CXorf38: variants seen among roughly 807,000 people sequenced by gnomAD.
CXorf38 encodes the protein uncharacterized protein CXorf38.
CXorf38 carries 13 observed loss-of-function variants against 27.5 expected under a neutral mutation model. The ratio of observed to expected loss-of-function variants is 0.47; its 90% CI spans 0.31 to 0.75. The LOEUF (loss-of-function observed/expected upper bound fraction) is 0.75. Ranked by LOEUF, CXorf38 falls within the 30% of genes least tolerant of loss-of-function variation. CXorf38 has a pLI of 0.05. For missense variants in CXorf38, 240 were observed against 253.2 expected (o/e 0.95, Z 0.35); for synonymous variants, 100 against 99.8 (o/e 1.00, Z -0.01).
At chrX:40,636,951 T>G in intron 4 of CXorf38, 56 bp downstream of exon 4, 97 of 1,032,779 alleles carry the variant, frequency 9.4e-5, no homozygotes, top group African/African-American at 5.7e-5. Flanking sequence ...TGTGTGGCTG[T>G]TGTTGTTTTC....
intron 5 of CXorf38, among the ~76,000 whole-genome samples, chrX:40,634,834 T>A (rs181727088): frequency 1.8e-4 from 20 of 112,409 alleles, no homozygotes; most frequent in Non-Finnish European, 3.0e-4. Flanking sequence ...AGAGAAAGCA[T>A]GAAAAATGAG....
chrX:40,641,638 T>C (rs1315050666), intron 2 of CXorf38, among the ~76,000 whole-genome samples: 5 of 111,946 alleles, frequency 4.5e-5, no homozygotes, highest in Admixed American at 2.8e-4. Flanking sequence ...GTGATCCGCC[T>C]GCTTCGGCCT....
At chrX:40,640,664 T>TG (rs927447670) in intron 2 of CXorf38, among the ~76,000 whole-genome samples, 13 of 111,229 alleles carry the variant, frequency 1.2e-4, no homozygotes, top group African/African-American at 3.9e-4. Context: ...AAGTCTATTT[T>TG]GGGCCGGGCG....
Position 40,630,687 on chromosome X carries a change from T to C in CXorf38, c.888A>G (p.Leu296=). The change falls in exon 6 of 7, where the codon CTA becomes CTG. Residue 296 remains leucine, a synonymous_variant. Transcript: ENST00000327877. ...GTTTTTGATGTAGACAGAGGCTGTC[T>C]AGCTTCTGCATATCTTCTGTAAGGC... ...RNGLTEDMQK[L]DSLCLHQKLD... is the part of the protein sequence containing the mutation. The C allele has an allele frequency of 1.7e-6, 2 of 1,209,143 alleles. No homozygotes were observed. Among genetic ancestry groups the C allele is most frequent in the Non-Finnish European group, 2.2e-6 (2 of 892,992 alleles).
rs771151809 is a variant in CXorf38, at chrX:40,647,498, G to A, written c.23C>T (p.Ala8Val). 24 of 1,187,157 alleles carry A rather than the reference G, an allele frequency of 2.0e-5. 1 individual carries two copies. The East Asian group carries it at 7.8e-4, about 39-fold the overall frequency. Residue 8 changes from alanine to valine, a missense_variant, in exon 1 of 7, where the codon GCG becomes GTG. Coordinates refer to ENST00000327877, the MANE Select transcript of CXorf38 (RefSeq NM_144970.3). Reference sequence around the variant, plus strand: ...CTTGTACTCGGCGCAGTTGAGGCGCGCCGCTAGCTCCGACAGCACCATGTC... The same window carrying A: ...CTTGTACTCGGCGCAGTTGAGGCGCACCGCTAGCTCCGACAGCACCATGTC... MVLSELA[A>V]RLNCAEYKNW...
In CXorf38 at chrX:40,637,095, A is replaced by G. The variant is rs775083103; in HGVS notation, c.533T>C (p.Leu178Pro). The G allele has an allele frequency of 8.3e-7, 1 of 1,203,428 alleles. No individual in the cohort carries two copies. ...TTGGATCTTCATCTGAAAATCTCGA[A>G]GCCACGTAGAAGATACTTTCATCTC... is the stretch of plus-strand genomic sequence containing the variant. ...SSEMKVSSTWLRDFQMKIQNF... is the reference protein window; with the variant it reads ...SSEMKVSSTWPRDFQMKIQNF... The change falls in exon 4 of 7, where the codon CTT becomes CCT. Residue 178 changes from leucine (L) to proline (P), a missense_variant. By Grantham distance (98) the Leu-to-Pro change is moderately conservative. Transcript: ENST00000327877.
intron 2 of CXorf38, among the ~76,000 whole-genome samples, chrX:40,645,005 GA>G (rs745976422): frequency 9.1e-6 from 1 of 109,823 alleles, no homozygotes; most frequent in East Asian, 2.8e-4. Context: ...AGAGAAAGGA[GA>G]AAAAAAAAGC....
intron 5 of CXorf38, among the ~76,000 whole-genome samples, chrX:40,632,944 T>C (rs1927892601): frequency 1.8e-5 from 2 of 112,116 alleles, no homozygotes; most frequent in African/African-American, 6.5e-5. Context: ...TTACTGACAG[T>C]CTACTACATG....
rs1469116868 is a variant in CXorf38, at chrX:40,627,006, A to C, written c.*3158T>G. 8.9e-6 allele frequency: 1 copy of C among 111,889 alleles called. No homozygotes were observed. The highest frequency in any genetic ancestry group is 1.9e-5 in the Non-Finnish European group (1 of 53,176). The allele number at this position is 111,889 out of a possible 1,213,427, so 9.2% of individuals were successfully genotyped here. On this transcript the variant is annotated 3_prime_UTR_variant, in exon 7 of 7. Coordinates refer to ENST00000327877, the MANE Select transcript of CXorf38 (RefSeq NM_144970.3). ...TACACCAGTACATGTTTGTTGTAAAAATTTCACCTAGGAGGATATAAAATA... is the reference window on the plus strand; with the variant it reads ...TACACCAGTACATGTTTGTTGTAAACATTTCACCTAGGAGGATATAAAATA...
chrX:40,647,173 G>T lies in CXorf38; in HGVS notation c.217-32C>A, dbSNP rs4073734. 5,370 of 1,205,798 alleles carry T rather than the reference G, an allele frequency of 4.5e-3. 145 individuals are homozygous for T. The African/African-American group carries it at 0.083, about 19-fold the overall frequency. On this transcript the variant is annotated intron_variant, in intron 1 of 6. Coordinates refer to ENST00000327877, the MANE Select transcript of CXorf38 (RefSeq NM_144970.3). ...GGGGCGGCGGTGAGGAGGGGCCCAG[G>T]AGGGAGGGACGTCGCGGTGGGCCCC...
At chrX:40,645,743 A>C (rs1928544999) in intron 2 of CXorf38, among the ~76,000 whole-genome samples, 1 of 110,711 alleles carries the variant, frequency 9.0e-6, no homozygotes, top group African/African-American at 3.3e-5. Flanking sequence ...CAGCCTCCTG[A>C]GTAGCTGGGA....
At chrX:40,631,282 C>G (rs2146565721) in intron 5 of CXorf38, among the ~76,000 whole-genome samples, 1 of 100,799 alleles carries the variant, frequency 9.9e-6, no homozygotes, top group South Asian at 4.5e-4. Flanking sequence ...CACACACACA[C>G]ACACACACGT....
At chrX:40,639,302 C>G in intron 2 of CXorf38, 174 bp from the exon 3 acceptor site, 1 of 455,966 alleles carries the variant, frequency 2.2e-6, no homozygotes, top group Non-Finnish European at 3.7e-6. Flanking sequence ...CACAGCTAAA[C>G]CTTGGCCAAG....
chrX:40,628,595 TAGA>T lies in CXorf38; in HGVS notation c.*1566_*1568del, dbSNP rs969097298. ...TGGATGACTTTAGGGGTAAAAGGTA[TAGA>T]AGAAGCATGAACGAATGTGTGAATT... is the stretch of plus-strand genomic sequence containing the variant. On this transcript the variant is annotated 3_prime_UTR_variant, in exon 7 of 7. Coordinates refer to ENST00000327877, the MANE Select transcript of CXorf38 (RefSeq NM_144970.3). The T allele has an allele frequency of 4.4e-5, 5 of 112,580 alleles. No homozygotes were observed. The highest frequency in any genetic ancestry group is 1.6e-4 in the African/African-American group (5 of 31,008). The allele number at this position is 112,580 out of a possible 1,213,427, so 9.3% of individuals were successfully genotyped here.
chrX:40,642,764 G>A (rs1223168600), intron 2 of CXorf38, among the ~76,000 whole-genome samples: 1 of 111,016 alleles, frequency 9.0e-6, no homozygotes, highest in African/African-American at 3.3e-5. Flanking sequence ...AATGGATCAA[G>A]GGACATTTTT....
At chrX:40,635,999 A>G (rs1005326498) in intron 5 of CXorf38, among the ~76,000 whole-genome samples, 6 of 112,729 alleles carry the variant, frequency 5.3e-5, no homozygotes, top group African/African-American at 1.9e-4. Context: ...ACCCCGTGGC[A>G]TGGCCTAGAA....
chrX:40,632,621 A>AG (rs767500371), intron 5 of CXorf38, among the ~76,000 whole-genome samples: 24 of 111,378 alleles, frequency 2.2e-4, no homozygotes, highest in Admixed American at 8.6e-4. Context: ...AGAACAGGGA[A>AG]GGTTTTGCAT....
intron 2 of CXorf38, among the ~76,000 whole-genome samples, chrX:40,644,601 T>A (rs931163958): frequency 1.6e-4 from 18 of 112,636 alleles, no homozygotes; most frequent in African/African-American, 5.2e-4. Context: ...TTATAAGTAA[T>A]CTAGAGATGA....
At chrX:40,637,741 T>C (rs1928138727) in intron 3 of CXorf38, among the ~76,000 whole-genome samples, 1 of 111,778 alleles carries the variant, frequency 8.9e-6, no homozygotes, top group South Asian at 3.7e-4. Context: ...GGCCACAGGA[T>C]TCTAGGAATA....
Sources: allele counts gnomAD v4.1 joint callset (sites outside exome capture counted in the v4.1 genomes callset), GRCh38; gene constraint gnomAD v4.1.1; transcripts MANE v1.5; gene names NCBI Gene and HGNC (gene_info 2026-07-23, HGNC 2026-07-21).